The following RBFOX1 variants were observed in gnomAD, a reference collection of about 807,000 sequenced individuals.
The protein encoded by RBFOX1 is RNA binding protein fox-1 homolog 1.
RBFOX1 carries 8 observed loss-of-function variants against 57.7 expected under a neutral mutation model. That is an observed-to-expected ratio of 0.14 (90% confidence interval 0.08 to 0.25). The LOEUF is 0.25. Among genes scored for constraint, RBFOX1 ranks in the 10% least tolerant of loss-of-function variants. The probability of loss-of-function intolerance (pLI) is 1.00; values close to 1 mark genes in which losing one functional copy is unlikely to be tolerated. For synonymous variants in RBFOX1, 326 were observed against 222.4 expected, an observed-to-expected ratio of 1.47 and a Z score of -4.15; for missense variants, 611 against 548.5, an observed-to-expected ratio of 1.11 and a Z score of -1.14.
chr16:7,508,531 A>G (rs2074097665), intron 4 of RBFOX1, among the ~76,000 whole-genome samples: 1 of 152,194 alleles, frequency 6.6e-6, no homozygotes, highest in African/African-American at 2.4e-5. Flanking sequence ...GAGCTGACAC[A>G]TCCTTTTAAA....
At chr16:6,471,947 C>T (rs1237943871) in intron 2 of RBFOX1, among the ~76,000 whole-genome samples, 2 of 152,196 alleles carry the variant, frequency 1.3e-5, no homozygotes, top group Non-Finnish European at 2.9e-5. Context: ...CAACTTCCCC[C>T]GTCTCTGTCT....
At chr16:6,660,298 A>C (rs1343980286) in intron 3 of RBFOX1, among the ~76,000 whole-genome samples, 1 of 152,044 alleles carries the variant, frequency 6.6e-6, no homozygotes, top group Non-Finnish European at 1.5e-5. Flanking sequence ...TGCTGGGCTT[A>C]ATACCTTGGT....
chr16:6,647,868 C>T (rs1211240017), intron 2 of RBFOX1, among the ~76,000 whole-genome samples: 1 of 152,048 alleles, frequency 6.6e-6, no homozygotes, highest in East Asian at 1.9e-4. Context: ...GAAACAGAGT[C>T]TTGTTCTTTG....
At chr16:5,597,602 G>A (rs2047228619) in intron 2 of RBFOX1, among the ~76,000 whole-genome samples, 1 of 151,940 alleles carries the variant, frequency 6.6e-6, no homozygotes, top group South Asian at 2.1e-4. Context: ...GTTTCACCAT[G>A]TTGGCCAGAC....
intron 3 of RBFOX1, among the ~76,000 whole-genome samples, chr16:6,694,060 A>G (rs763536349): frequency 1.3e-5 from 2 of 152,236 alleles, no homozygotes; most frequent in Non-Finnish European, 2.9e-5. Context: ...CACTACTCAG[A>G]TGCTGAAATG....
intron 2 of RBFOX1, among the ~76,000 whole-genome samples, chr16:5,523,343 C>G (rs569191446): frequency 6.6e-6 from 1 of 151,086 alleles, no homozygotes; most frequent in Non-Finnish European, 1.5e-5. Flanking sequence ...CAGCTGGGCG[C>G]GGTGGTTTAT....
intron 4 of RBFOX1, among the ~76,000 whole-genome samples, chr16:5,945,158 G>A (rs1038425404): frequency 6.6e-6 from 1 of 152,034 alleles, no homozygotes; most frequent in Admixed American, 6.6e-5. Context: ...GGGACATTGA[G>A]CAAGTCATTA....
At chr16:6,290,811 AG>A (rs2077393562) in intron 1 of RBFOX1, among the ~76,000 whole-genome samples, 1 of 152,318 alleles carries the variant, frequency 6.6e-6, no homozygotes, top group East Asian at 1.9e-4. Flanking sequence ...GATACCAGAA[AG>A]GGGTCCAAAT....
intron 2 of RBFOX1, among the ~76,000 whole-genome samples, chr16:5,536,143 C>G (rs1371323851): frequency 7.0e-6 from 1 of 142,360 alleles, no homozygotes; most frequent in African/African-American, 2.6e-5. Flanking sequence ...CTTACCTCAA[C>G]TTATTTCTCT....
chr16:5,807,353 C>T (rs1455135863), intron 3 of RBFOX1, among the ~76,000 whole-genome samples: 2 of 152,172 alleles, frequency 1.3e-5, no homozygotes, highest in Admixed American at 1.3e-4. Flanking sequence ...CTTGTGGCAT[C>T]TTCAGGATGC....
At chr16:5,863,360 C>T (rs899399054) in intron 3 of RBFOX1, among the ~76,000 whole-genome samples, 10 of 152,220 alleles carry the variant, frequency 6.6e-5, no homozygotes, top group South Asian at 4.1e-4. Context: ...GCCTCAAACA[C>T]GGCTCTAATC....
At chr16:5,978,716 C>T (rs953842498) in intron 4 of RBFOX1, among the ~76,000 whole-genome samples, 1 of 149,244 alleles carries the variant, frequency 6.7e-6, no homozygotes, top group Non-Finnish European at 1.5e-5. Context: ...TAAATGATGA[C>T]AGTGTTGAGG....
At chr16:7,580,559 C>T (rs116231951) in intron 6 of RBFOX1, among the ~76,000 whole-genome samples, 3,776 of 152,236 alleles carry the variant, frequency 0.025, 161 homozygotes, top group African/African-American at 0.087. Context: ...GTGCTATATG[C>T]CATGAAGTGT....
chr16:5,473,944 A>T (rs1320063427), intron 2 of RBFOX1, among the ~76,000 whole-genome samples: 1 of 113,678 alleles, frequency 8.8e-6, no homozygotes, highest in Non-Finnish European at 1.8e-5. Context: ...AGATGGATGG[A>T]TGGGTGGGTG....
intron 2 of RBFOX1, among the ~76,000 whole-genome samples, chr16:6,454,887 T>TGTTG (rs2094726968): frequency 8.3e-6 from 1 of 121,202 alleles, no homozygotes; most frequent in Non-Finnish European, 1.7e-5. Flanking sequence ...TTTTTTTTTT[T>TGTTG]TTTTTTTTTT....
At chr16:5,790,873 TG>T (rs201820656) in intron 3 of RBFOX1, among the ~76,000 whole-genome samples, 5 of 131,834 alleles carry the variant, frequency 3.8e-5, no homozygotes, top group East Asian at 2.7e-4. Flanking sequence ...TTTTTTTTTT[TG>T]TTTTTTTTTT....
chr16:6,125,839 A>G (rs1445358704), intron 1 of RBFOX1, among the ~76,000 whole-genome samples: 1 of 152,210 alleles, frequency 6.6e-6, no homozygotes, highest in Non-Finnish European at 1.5e-5. Flanking sequence ...TGTGAGATGT[A>G]CAAACCTTCC....
intron 3 of RBFOX1, among the ~76,000 whole-genome samples, chr16:6,890,428 A>G (rs536715120): frequency 6.6e-6 from 1 of 152,316 alleles, no homozygotes; most frequent in Non-Finnish European, 1.5e-5. Context: ...CTGAGGCTGG[A>G]GGATCACTTA....
rs57088248 is a variant in RBFOX1 at position 5,303,712 on chromosome 16, ATT to A, written c.219+63619_219+63620del. Among the ~76,000 whole-genome samples the A allele has an allele frequency of 3.5e-3, 499 of 143,026 alleles. 4 individuals are homozygous for A. Among genetic ancestry groups the A allele is most frequent in the African/African-American group, 0.012 (459 of 39,066 alleles). 93.8% of individuals were successfully genotyped at this position (143,026 alleles called of 152,430 possible). A position where few individuals can be genotyped will look rare whatever the true frequency, so the allele number is the denominator to read the frequency against. ...ATTATTGTTCACTCCATTCCTCTTC[ATT>A]TTTTTTTTTTTGCTTTGTTTATGAC... On this transcript the variant is annotated intron_variant, in intron 1 of 2. Transcript: ENST00000585867.
Sources: gnomAD v4.1 joint callset for allele counts (sites outside exome capture counted in the v4.1 genomes callset) on GRCh38, gnomAD v4.1.1 for gene constraint, MANE v1.5 for transcripts, NCBI Gene and HGNC (gene_info 2026-07-23, HGNC 2026-07-21) for gene names.